The following C19orf81 variants were observed in gnomAD, a reference collection of about 807,000 sequenced individuals.
The protein encoded by C19orf81 is putative uncharacterized protein C19orf81.
A neutral mutation model predicts 22.1 loss-of-function variants in C19orf81; 19 were observed. The observed-to-expected ratio is 0.86, with a 90% CI of 0.60 to 1.26. The LOEUF is 1.26. Ranked by LOEUF, C19orf81 falls within the 50% of genes most tolerant of loss-of-function variation. C19orf81 has a pLI of 0.00. For synonymous variants in C19orf81, 108 were observed against 113.1 expected (o/e 0.95, Z 0.29); for missense variants, 287 against 280.7 (o/e 1.02, Z -0.16).
intron 1 of C19orf81, among the ~76,000 whole-genome samples, chr19:50,652,216 G>GT (rs1224246118): frequency 1.3e-5 from 2 of 152,098 alleles, no homozygotes; most frequent in Non-Finnish European, 2.9e-5. Flanking sequence ...TCTCAAAATT[G>GT]TATTTTTTTA....
At chr19:50,657,646 C>T (rs1355331415) in intron 3 of C19orf81, among the ~76,000 whole-genome samples, 1 of 152,190 alleles carries the variant, frequency 6.6e-6, no homozygotes, top group African/African-American at 2.4e-5. Flanking sequence ...CAGGCGCATC[C>T]ATTGCAAATT....
rs1353350473 is a variant in C19orf81 at position 50,656,239 on chromosome 19, C to T, written c.154C>T (p.Arg52Trp). ...RPIKSSKQYL[R>W]QVIAEYEALD... is the part of the protein sequence containing the mutation. ...CTCTCTCCCTAGAAAGCAGTACCTG[C>T]GGCAGGTCATTGCAGAGTACGAGGC... Residue 52 changes from arginine to tryptophan, a missense_variant, in exon 3 of 5, where the codon CGG (arginine) becomes TGG (tryptophan). By Grantham distance (101) the Arg-to-Trp change is moderately radical (BLOSUM62 -3). Coordinates refer to ENST00000425202, the MANE Select transcript of C19orf81 (RefSeq NM_001195076.2). 22 of 1,535,934 alleles carry T rather than the reference C, an allele frequency of 1.4e-5. No individual in the cohort carries two copies. The highest frequency in any genetic ancestry group is 5.5e-5 in the African/African-American group (4 of 73,042).
Position 50,656,357 on chromosome 19 carries a change from C to G in C19orf81, c.261+11C>G. 1.3e-6 allele frequency: 2 copies of G among 1,530,558 alleles called. No individual in the cohort carries two copies. Among genetic ancestry groups the G allele is most frequent in the Non-Finnish European group, 8.7e-7 (1 of 1,143,256 alleles). The allele number at this position is 1,530,558 out of a possible 1,614,324, so 94.8% of individuals were successfully genotyped here. A position where few individuals can be genotyped will look rare whatever the true frequency, so the allele number is the denominator to read the frequency against. Reference sequence around the variant, plus strand: ...TGCATGGAGACCTTGGTGAGTGGACCTGTGCCCTTATTTTCTGCACAGTTT... The same window carrying G: ...TGCATGGAGACCTTGGTGAGTGGACGTGTGCCCTTATTTTCTGCACAGTTT... On this transcript the variant is annotated intron_variant, in intron 3 of 4. Transcript: ENST00000425202.
chr19:50,656,126 A>C lies in C19orf81; in HGVS notation c.140+4A>C. ...TGGGCAGGCCCATCAAATCCTCGTG[A>C]GTTGTCCCTGGCCCCCATGACCTCT... On this transcript the variant is annotated splice_donor_region_variant and intron_variant, in intron 2 of 4. Transcript: ENST00000425202. 1 of 1,536,108 alleles carries C rather than the reference A, an allele frequency of 6.5e-7. No individual in the cohort carries two copies. The highest frequency in any genetic ancestry group is 1.2e-5 in the South Asian group (1 of 84,054).
At chr19:50,652,634 C>T (rs921286341) in intron 1 of C19orf81, among the ~76,000 whole-genome samples, 2 of 152,150 alleles carry the variant, frequency 1.3e-5, no homozygotes, top group South Asian at 2.1e-4. Flanking sequence ...TGTGCTTGAT[C>T]AGGTTTAAGA....
Position 50,657,970 on chromosome 19 carries a change from C to A in C19orf81, c.262-19C>A. 6.6e-7 allele frequency: 1 copy of A among 1,515,814 alleles called. No homozygotes were observed. The allele number at this position is 1,515,814 out of a possible 1,614,324, so 93.9% of individuals were successfully genotyped here. On this transcript the variant is annotated intron_variant, in intron 3 of 4. Coordinates refer to ENST00000425202, the MANE Select transcript of C19orf81 (RefSeq NM_001195076.2). ...AACCAGGAGGCCACGGGCTGAGGTT[C>A]TCTCTCCGACACCCGCAGCCCGAGG...
chr19:50,657,976 C>T lies in C19orf81; in HGVS notation c.262-13C>T. ...GAGGCCACGGGCTGAGGTTCTCTCT[C>T]CGACACCCGCAGCCCGAGGAGGATT... On this transcript the variant is annotated splice_polypyrimidine_tract_variant and intron_variant, in intron 3 of 4. Transcript: ENST00000425202. The T allele has an allele frequency of 4.6e-6, 7 of 1,520,782 alleles. No individual in the cohort carries two copies. The highest frequency in any genetic ancestry group is 1.2e-5 in the South Asian group (1 of 82,032). 94.2% of individuals were successfully genotyped at this position (1,520,782 alleles called of 1,614,324 possible).
At chr19:50,655,933 A>G in intron 1 of C19orf81, 117 bp from the exon 2 acceptor site, 1 of 975,758 alleles carries the variant, frequency 1.0e-6, no homozygotes, top group Non-Finnish European at 1.5e-6. Flanking sequence ...GTAACTCAAC[A>G]TCTGGCATAC....
rs529151534 is a variant in C19orf81, at chr19:50,655,521, T to C, written c.68-529T>C. 6.4e-4 allele frequency among the ~76,000 whole-genome samples: 98 copies of C among 151,958 alleles called. No homozygotes were observed. In the East Asian group the frequency reaches 9.9e-3, roughly 15 times the overall value. On this transcript the variant is annotated intron_variant, in intron 1 of 4. Transcript: ENST00000425202. Reference sequence around the variant, plus strand: ...AAAATTAGCTGGGCGTGGTAGCGGGTGCCTGTAGTCTCAGCTACTCGGGAG... The same window carrying C: ...AAAATTAGCTGGGCGTGGTAGCGGGCGCCTGTAGTCTCAGCTACTCGGGAG...
chr19:50,650,100 A>G (rs752163213), intron 1 of C19orf81, among the ~76,000 whole-genome samples: 9 of 151,806 alleles, frequency 5.9e-5, no homozygotes, highest in Non-Finnish European at 1.2e-4. Flanking sequence ...CTATCCCTCC[A>G]TGGCTCCAGA....
chr19:50,655,574 G>T (rs753253226), intron 1 of C19orf81, among the ~76,000 whole-genome samples: 28 of 152,054 alleles, frequency 1.8e-4, no homozygotes, highest in Non-Finnish European at 3.2e-4. Context: ...GCGTGAACCC[G>T]GGAGGCAGAG....
intron 1 of C19orf81, among the ~76,000 whole-genome samples, chr19:50,651,398 C>G (rs1422833744): frequency 6.6e-6 from 1 of 152,094 alleles, no homozygotes; most frequent in Non-Finnish European, 1.5e-5. Flanking sequence ...CTCTAGAGAG[C>G]CTTCCCTGAT....
intron 1 of C19orf81, among the ~76,000 whole-genome samples, chr19:50,651,476 C>T (rs1319138843): frequency 6.6e-6 from 1 of 152,142 alleles, no homozygotes; most frequent in Non-Finnish European, 1.5e-5. Flanking sequence ...ACACATTGCC[C>T]TTTATCTGAG....
chr19:50,649,605 C>T (rs1422878057), intron 1 of C19orf81, 94 bp downstream of exon 1: 12 of 1,339,252 alleles, frequency 9.0e-6, no homozygotes, highest in Non-Finnish European at 1.2e-5. Context: ...AAGCGAGTCA[C>T]TGGCACTCCA....
At chr19:50,655,659 A>C (rs928788255) in intron 1 of C19orf81, among the ~76,000 whole-genome samples, 3 of 151,980 alleles carry the variant, frequency 2.0e-5, no homozygotes, top group East Asian at 3.8e-4. Flanking sequence ...AAAAAAAAAA[A>C]ACAAAAAACC....
At chr19:50,654,112 TTA>T (rs962502754) in intron 1 of C19orf81, among the ~76,000 whole-genome samples, 9 of 152,004 alleles carry the variant, frequency 5.9e-5, no homozygotes, top group African/African-American at 2.2e-4. Flanking sequence ...GGGAAATGTT[TTA>T]TGTTCGGCAG....
intron 1 of C19orf81, among the ~76,000 whole-genome samples, chr19:50,652,574 A>C (rs58011996): frequency 1.3e-5 from 2 of 152,018 alleles, no homozygotes; most frequent in South Asian, 2.1e-4. Context: ...CAGAGAGTCC[A>C]AGTCGCAGAA....
At chr19:50,658,494 GA>G (rs779818804) in intron 4 of C19orf81, 5 of 273,566 alleles carry the variant, frequency 1.8e-5, no homozygotes, top group Non-Finnish European at 3.5e-5. Context: ...AGATCAGAGA[GA>G]AGGAGGGATC....
At chr19:50,658,190 G>C (rs1335851470) in intron 4 of C19orf81, 62 bp downstream of exon 4, 5 of 1,471,212 alleles carry the variant, frequency 3.4e-6, no homozygotes, top group Non-Finnish European at 4.5e-6. Flanking sequence ...GGGGCGACCG[G>C]GTAAGAGCGT....
Sources: allele counts gnomAD v4.1 joint callset (sites outside exome capture counted in the v4.1 genomes callset), GRCh38; gene constraint gnomAD v4.1.1; transcripts MANE v1.5; gene names NCBI Gene and HGNC (gene_info 2026-07-23, HGNC 2026-07-21).